The following PDE8A variants were observed in gnomAD, a reference collection of about 807,000 sequenced individuals.
PDE8A encodes phosphodiesterase 8A, also known as high affinity cAMP-specific and IBMX-insensitive 3',5'-cyclic phosphodiesterase 8A.
In PDE8A, 59 loss-of-function variants were observed where a neutral mutation model predicts 105.0. That is an observed-to-expected ratio of 0.56 (90% confidence interval 0.46 to 0.70). The LOEUF is 0.70. PDE8A is among the 30% of genes least tolerant of loss of function. The probability of loss-of-function intolerance (pLI) is 0.00; values close to 1 mark genes in which losing one functional copy is unlikely to be tolerated. For synonymous variants in PDE8A, 355 were observed against 371.9 expected, an observed-to-expected ratio of 0.95 and a Z score of 0.52; for missense variants, 1,014 against 1,045.9, an observed-to-expected ratio of 0.97 and a Z score of 0.42.
chr15:84,999,656 C>T (rs772424543), intron 1 of PDE8A, among the ~76,000 whole-genome samples: 2 of 152,118 alleles, frequency 1.3e-5, no homozygotes, highest in Admixed American at 1.3e-4. Context: ...CTCACTGCAA[C>T]CTCTGCCTCC....
At chr15:85,028,666 T>G (rs1949066407) in intron 1 of PDE8A, among the ~76,000 whole-genome samples, 1 of 152,212 alleles carries the variant, frequency 6.6e-6, no homozygotes, top group Non-Finnish European at 1.5e-5. Context: ...TTGGGTGATT[T>G]ATTTGCATTT....
At chr15:85,086,965 T>C (rs1057499981) in intron 6 of PDE8A, among the ~76,000 whole-genome samples, 1 of 152,014 alleles carries the variant, frequency 6.6e-6, no homozygotes, top group Non-Finnish European at 1.5e-5. Flanking sequence ...GGTTTCACCA[T>C]TTTGGTCAGG....
At chr15:85,109,226 C>A in intron 12 of PDE8A, 96 bp downstream of exon 12, 1 of 743,020 alleles carries the variant, frequency 1.3e-6, no homozygotes, top group Non-Finnish European at 2.2e-6. Flanking sequence ...TGTCTACCTC[C>A]AATTCTTGGG....
At chr15:85,030,156 TA>T (rs932217631) in intron 1 of PDE8A, among the ~76,000 whole-genome samples, 72 of 152,192 alleles carry the variant, frequency 4.7e-4, no homozygotes, top group African/African-American at 1.7e-3. Context: ...AGCTGTACTC[TA>T]AATTAGAGTC....
At chr15:84,994,974 AGAG>A (rs1330538553) in intron 1 of PDE8A, among the ~76,000 whole-genome samples, 1 of 149,330 alleles carries the variant, frequency 6.7e-6, no homozygotes, top group Non-Finnish European at 1.5e-5. Context: ...AAAAAAAAAA[AGAG>A]AGAAAAAGCA....
chr15:85,117,407 G>C (rs1364802372), intron 16 of PDE8A, among the ~76,000 whole-genome samples: 2 of 152,176 alleles, frequency 1.3e-5, no homozygotes. Context: ...CAACGAGGCT[G>C]AGGTCAGAGC....
intron 11 of PDE8A, 81 bp from the exon 12 acceptor site, chr15:85,108,972 A>T: frequency 2.1e-6 from 2 of 974,952 alleles, no homozygotes; most frequent in Non-Finnish European, 3.2e-6. Context: ...TGAGAGTTTT[A>T]AAAAAATTTT....
Position 85,137,816 on chromosome 15 carries a change from T to G in PDE8A, c.2403T>G (p.Asp801Glu), listed in dbSNP as rs2082436382. 6.2e-7 allele frequency: 1 copy of G among 1,612,160 alleles called. No homozygotes were observed. Among genetic ancestry groups the G allele is most frequent in the Non-Finnish European group, 8.5e-7 (1 of 1,178,150 alleles). The change falls in exon 22 of 22, where the codon GAT becomes GAG. Residue 801 changes from aspartate to glutamate, a missense_variant. Asp to Glu is a conservative substitution (Grantham distance 45). Coordinates refer to ENST00000394553, the MANE Select transcript of PDE8A (RefSeq NM_002605.3). ...DAWDAFVDLP[D>E]LMQHLDNNFK... Reference sequence around the variant, plus strand: ...CTCCAGCCTTTGTAGACCTGCCTGATTTAATGCAGCATCTTGACAACAACT... The same window carrying G: ...CTCCAGCCTTTGTAGACCTGCCTGAGTTAATGCAGCATCTTGACAACAACT...
In PDE8A at chr15:85,008,266, A is replaced by C. The variant is rs138560073; in HGVS notation, c.186+25918A>C. On this transcript the variant is annotated intron_variant, in intron 1 of 21. Transcript: ENST00000394553. ...AGTCAGTGGCTCAGGGAGGGATCAG[A>C]AGCCAGGGAACTTTGCAATGTTGTG... 9.9e-5 allele frequency among the ~76,000 whole-genome samples: 15 copies of C among 152,238 alleles called. No individual in the cohort carries two copies. In the East Asian group the frequency reaches 2.3e-3, roughly 23 times the overall value.
At chr15:85,122,928 GC>G in intron 18 of PDE8A, 132 bp from the exon 19 acceptor site, 1 of 875,862 alleles carries the variant, frequency 1.1e-6, no homozygotes, top group East Asian at 2.4e-5. Context: ...TTTAAAATGT[GC>G]CTTGTGGCTT....
chr15:85,097,635 G>T (rs1476057368), intron 8 of PDE8A, among the ~76,000 whole-genome samples: 2 of 152,192 alleles, frequency 1.3e-5, no homozygotes, highest in Admixed American at 1.3e-4. Context: ...TCAGCAGGTG[G>T]GAGTTATGAG....
chr15:84,987,106 TTATCTC>T (rs1238923511), intron 1 of PDE8A, among the ~76,000 whole-genome samples: 2 of 152,210 alleles, frequency 1.3e-5, no homozygotes, highest in Middle Eastern at 3.2e-3. Context: ...TGACTACAGT[TTATCTC>T]TAGAGCTCAG....
At chr15:84,982,462 C>T in intron 1 of PDE8A, 114 bp downstream of exon 1, 1 of 590,520 alleles carries the variant, frequency 1.7e-6, no homozygotes, top group Non-Finnish European at 2.6e-6. Context: ...GCCCTCTTGT[C>T]CCGCTTTGGA....
At chr15:85,010,724 T>G (rs1273960892) in intron 1 of PDE8A, among the ~76,000 whole-genome samples, 1 of 152,168 alleles carries the variant, frequency 6.6e-6, no homozygotes, top group African/African-American at 2.4e-5. Context: ...AACTTTTAAT[T>G]AGGGTTAGTA....
intron 1 of PDE8A, among the ~76,000 whole-genome samples, chr15:85,025,265 T>C (rs1341117479): frequency 6.6e-6 from 1 of 152,158 alleles, no homozygotes; most frequent in Admixed American, 6.5e-5. Context: ...ACTTTGCTTT[T>C]AAGGGGCACT....
chr15:85,035,134 C>CG (rs964483217), intron 1 of PDE8A, among the ~76,000 whole-genome samples: 21 of 148,526 alleles, frequency 1.4e-4, no homozygotes, highest in African/African-American at 5.1e-4. Context: ...CTGAGCAACT[C>CG]AAAACCTGGT....
intron 1 of PDE8A, among the ~76,000 whole-genome samples, chr15:85,031,587 T>C (rs2080616142): frequency 1.3e-5 from 2 of 152,186 alleles, no homozygotes; most frequent in Non-Finnish European, 2.9e-5. Context: ...ATGCAGTGAC[T>C]GAGTACAGCC....
At chr15:85,134,530 G>A (rs867982501) in intron 20 of PDE8A, among the ~76,000 whole-genome samples, 6 of 83,572 alleles carry the variant, frequency 7.2e-5, no homozygotes, top group African/African-American at 1.3e-4. Flanking sequence ...CGGATGCTGG[G>A]CCAGCGTTCC....
At chr15:85,075,576 A>C (rs1853989245) in intron 3 of PDE8A, among the ~76,000 whole-genome samples, 1 of 152,234 alleles carries the variant, frequency 6.6e-6, no homozygotes, top group Admixed American at 6.5e-5. Context: ...CGCCTGAAAC[A>C]ATGCAGGTTA....
Sources: allele counts gnomAD v4.1 joint callset (sites outside exome capture counted in the v4.1 genomes callset), GRCh38; gene constraint gnomAD v4.1.1; transcripts MANE v1.5; gene names NCBI Gene and HGNC (gene_info 2026-07-23, HGNC 2026-07-21).